Variants in TMEM232 observed in about 807,000 individuals in gnomAD.
TMEM232 encodes transmembrane protein 232.
In TMEM232, 80 loss-of-function variants were observed where a neutral mutation model predicts 78.8. That is an observed-to-expected ratio of 1.01 (90% CI 0.85 to 1.22). TMEM232 has a LOEUF of 1.22. Ranked by LOEUF, TMEM232 falls within the 50% of genes most tolerant of loss-of-function variation. The probability of loss-of-function intolerance (pLI) is 0.00; values close to 1 mark genes in which losing one functional copy is unlikely to be tolerated. For missense variants in TMEM232, 881 were observed against 742.2 expected, an observed-to-expected ratio of 1.19 and a Z score of -2.17; for synonymous variants, 297 against 254.3, an observed-to-expected ratio of 1.17 and a Z score of -1.60.
chr5:110,541,500 AC>A (rs1189454856), intron 11 of TMEM232, among the ~76,000 whole-genome samples: 2 of 151,980 alleles, frequency 1.3e-5, no homozygotes, highest in Admixed American at 1.3e-4. Flanking sequence ...TAACTCAGAG[AC>A]TCCAAAGTGA....
rs377491143 is a variant in TMEM232 at position 110,445,295 on chromosome 5, A to G, written c.1704-20379T>C. ...AGCTTTGTTGAGCTCTAATTAACACATAATAAATTACATATGTTTAAAATA... is the reference window on the plus strand; with the variant it reads ...AGCTTTGTTGAGCTCTAATTAACACGTAATAAATTACATATGTTTAAAATA... On this transcript the variant is annotated intron_variant, in intron 12 of 13. Coordinates refer to ENST00000455884, the MANE Select transcript of TMEM232 (RefSeq NM_001039763.4). Among the ~76,000 whole-genome samples the G allele has an allele frequency of 5.9e-5, 9 of 152,160 alleles. 1 individual carries two copies. The highest frequency in any genetic ancestry group is 5.8e-4 in the East Asian group (3 of 5,178).
At chr5:110,472,969 A>G (rs999383688) in intron 12 of TMEM232, among the ~76,000 whole-genome samples, 2 of 151,776 alleles carry the variant, frequency 1.3e-5, no homozygotes, top group African/African-American at 4.8e-5. Flanking sequence ...CTATGAAAAA[A>G]CCAGAATAAA....
At chr5:110,638,040 A>G (rs944003823) in intron 5 of TMEM232, among the ~76,000 whole-genome samples, 158 bp downstream of exon 5, 3 of 152,154 alleles carry the variant, frequency 2.0e-5, no homozygotes. Context: ...TTAAGCAATA[A>G]TAACGTACTA....
intron 11 of TMEM232, among the ~76,000 whole-genome samples, chr5:110,567,046 C>A (rs1184593968): frequency 6.6e-6 from 1 of 151,728 alleles, no homozygotes; most frequent in African/African-American, 2.4e-5. Flanking sequence ...ACCATCAGAT[C>A]TCATGAGACT....
chr5:110,662,901 T>G (rs142194049), intron 2 of TMEM232, among the ~76,000 whole-genome samples: 1,785 of 152,130 alleles, frequency 0.012, 45 homozygotes, highest in African/African-American at 0.04. Context: ...ATCTACACGA[T>G]CTTGTGGTTG....
intron 12 of TMEM232, among the ~76,000 whole-genome samples, chr5:110,427,893 A>C (rs1018416963): frequency 6.6e-6 from 1 of 151,920 alleles, no homozygotes; most frequent in African/African-American, 2.4e-5. Context: ...TTTAAGGGGT[A>C]TATGAGATGT....
chr5:110,689,344 A>G (rs1281381811), intron 1 of TMEM232, among the ~76,000 whole-genome samples: 3 of 152,208 alleles, frequency 2.0e-5, no homozygotes, highest in African/African-American at 7.2e-5. Flanking sequence ...TCATCAACTG[A>G]TTCATAACTA....
At chr5:110,553,421 C>T (rs946692924) in intron 11 of TMEM232, among the ~76,000 whole-genome samples, 3 of 151,904 alleles carry the variant, frequency 2.0e-5, no homozygotes, top group Non-Finnish European at 4.4e-5. Context: ...TTTTGTAATT[C>T]TTGTTGTAGA....
chr5:110,654,778 G>A lies in TMEM232; in HGVS notation c.126-12407C>T, dbSNP rs193183080. Among the ~76,000 whole-genome samples the A allele has an allele frequency of 5.6e-3, 855 of 152,280 alleles. 8 individuals are homozygous for A. The highest frequency in any genetic ancestry group is 0.019 in the African/African-American group (808 of 41,538). On this transcript the variant is annotated intron_variant, in intron 2 of 13. Coordinates refer to ENST00000455884, the MANE Select transcript of TMEM232 (RefSeq NM_001039763.4). Reference sequence around the variant, plus strand: ...CACGATATTGATTCTTCCTACCCATGAGCATGGAATGTTCTTCCATTTGTT... The same window carrying A: ...CACGATATTGATTCTTCCTACCCATAAGCATGGAATGTTCTTCCATTTGTT...
intron 5 of TMEM232, among the ~76,000 whole-genome samples, chr5:110,636,365 C>G (rs1028995436): frequency 6.6e-6 from 1 of 151,796 alleles, no homozygotes; most frequent in Non-Finnish European, 1.5e-5. Flanking sequence ...ACTATACTTA[C>G]CAACAATGCT....
chr5:110,702,913 C>A (rs555035311), intron 1 of TMEM232, among the ~76,000 whole-genome samples: 2 of 152,098 alleles, frequency 1.3e-5, no homozygotes, highest in South Asian at 4.1e-4. Flanking sequence ...AGCTCATGAC[C>A]TTGGAATGTT....
At chr5:110,493,987 G>T (rs926771647) in intron 12 of TMEM232, among the ~76,000 whole-genome samples, 1 of 151,968 alleles carries the variant, frequency 6.6e-6, no homozygotes, top group Admixed American at 6.6e-5. Flanking sequence ...GTGTCCATAT[G>T]TTCTCATTGT....
chr5:110,698,202 C>T lies in TMEM232; in HGVS notation c.-13+28425G>A, dbSNP rs373912099. Among the ~76,000 whole-genome samples the T allele has an allele frequency of 4.5e-4, 68 of 151,886 alleles. No homozygotes were observed. The East Asian group carries it at 9.7e-3, about 22-fold the overall frequency. On this transcript the variant is annotated intron_variant, in intron 1 of 13. Coordinates refer to ENST00000455884, the MANE Select transcript of TMEM232 (RefSeq NM_001039763.4). ...TATCACAAGGAAAAAAACCAAACAC[C>T]GCATGTTCTCACTCATAGGTGGGAA... is the stretch of plus-strand genomic sequence containing the variant.
At chr5:110,614,482 A>G (rs927109515) in intron 8 of TMEM232, among the ~76,000 whole-genome samples, 2 of 152,128 alleles carry the variant, frequency 1.3e-5, no homozygotes, top group Admixed American at 1.3e-4. Flanking sequence ...AATGTTTGCA[A>G]CCTTAAACAC....
At chr5:110,454,080 C>A (rs1361687129) in intron 12 of TMEM232, among the ~76,000 whole-genome samples, 2 of 151,984 alleles carry the variant, frequency 1.3e-5, no homozygotes, top group Non-Finnish European at 2.9e-5. Context: ...TTCAACAATC[C>A]TCTCTTGGCA....
At chr5:110,470,636 G>A (rs557027926) in intron 12 of TMEM232, among the ~76,000 whole-genome samples, 1 of 152,228 alleles carries the variant, frequency 6.6e-6, no homozygotes, top group East Asian at 1.9e-4. Flanking sequence ...TACAGCATAG[G>A]CCACTGAGGT....
At chr5:110,485,358 CAT>C (rs1764348424) in intron 12 of TMEM232, among the ~76,000 whole-genome samples, 1 of 152,078 alleles carries the variant, frequency 6.6e-6, no homozygotes, top group African/African-American at 2.4e-5. Context: ...TATTTGGTTA[CAT>C]GAGTAAGTTG....
intron 3 of TMEM232, among the ~76,000 whole-genome samples, chr5:110,394,768 TC>T (rs1485475898): frequency 6.6e-6 from 1 of 152,182 alleles, no homozygotes; most frequent in Non-Finnish European, 1.5e-5. Flanking sequence ...TACCTTCTAT[TC>T]ATCATGTGTG....
chr5:110,586,662 T>C (rs571984560), intron 10 of TMEM232, among the ~76,000 whole-genome samples: 1 of 151,696 alleles, frequency 6.6e-6, no homozygotes, highest in Non-Finnish European at 1.5e-5. Context: ...GAATGGGACA[T>C]AGACATCCAA....
Sources: allele counts gnomAD v4.1 joint callset (sites outside exome capture counted in the v4.1 genomes callset), GRCh38; gene constraint gnomAD v4.1.1; transcripts MANE v1.5; gene names NCBI Gene and HGNC (gene_info 2026-07-23, HGNC 2026-07-21).